MDM2: variants seen among roughly 807,000 people sequenced by gnomAD.
MDM2 encodes E3 ubiquitin-protein ligase Mdm2.
Under a neutral mutation model 64.3 loss-of-function variants are expected in MDM2, and 11 were observed. The ratio of observed to expected loss-of-function variants is 0.17; its 90% CI spans 0.11 to 0.28. The LOEUF (loss-of-function observed/expected upper bound fraction) is 0.28, where lower values mean the gene tolerates loss of function less well. Among genes scored for constraint, MDM2 ranks in the 10% least tolerant of loss-of-function variants. The pLI is 1.00. For missense variants in MDM2, 388 were observed against 577.1 expected, an observed-to-expected ratio of 0.67 and a Z score of 3.36; for synonymous variants, 194 against 192.9, an observed-to-expected ratio of 1.01 and a Z score of -0.05.
Position 68,808,414 on chromosome 12 carries a change from C to A in MDM2, c.-64C>A, listed in dbSNP as rs994416631. On this transcript the variant is annotated 5_prime_UTR_variant, in exon 1 of 11. Coordinates refer to ENST00000258149, the MANE Select transcript of MDM2 (RefSeq NM_002392.6). ...CGAGGCCCAGGGCGTCGTGCTTCCGCGCGCCCCGTGAAGGAAACTGGGGAG... is the reference window on the plus strand; with the variant it reads ...CGAGGCCCAGGGCGTCGTGCTTCCGAGCGCCCCGTGAAGGAAACTGGGGAG... The A allele has an allele frequency of 1.9e-6, 3 of 1,611,098 alleles. No individual in the cohort carries two copies. The Admixed American group carries it at 5.0e-5, about 27-fold the overall frequency.
chr12:68,811,120 C>T (rs1004953871), intron 2 of MDM2, among the ~76,000 whole-genome samples: 6 of 152,164 alleles, frequency 3.9e-5, no homozygotes, highest in Non-Finnish European at 8.8e-5. Context: ...CTGCCTCGGC[C>T]TCCCAAAGTG....
chr12:68,844,916 T>C lies in MDM2; in HGVS notation c.*5067T>C, dbSNP rs1427075416. 2 of 199,852 alleles carry C rather than the reference T, an allele frequency of 1.0e-5. No individual in the cohort carries two copies. 12.4% of individuals were successfully genotyped at this position (199,852 alleles called of 1,614,324 possible). On this transcript the variant is annotated 3_prime_UTR_variant, in exon 11 of 11. Coordinates refer to ENST00000258149, the MANE Select transcript of MDM2 (RefSeq NM_002392.6). ...CCAAGTAGCTGGGGTTAGAGCACCC[T>C]GTCACCACGCCCCGCTAATTTTTGT...
intron 2 of MDM2, among the ~76,000 whole-genome samples, chr12:68,813,054 T>C (rs1037121572): frequency 5.9e-5 from 9 of 152,194 alleles, no homozygotes; most frequent in African/African-American, 2.2e-4. Flanking sequence ...CAGCATGATA[T>C]AGTAGGAAGA....
chr12:68,834,970 A>AT (rs1351656812), intron 8 of MDM2, among the ~76,000 whole-genome samples: 2 of 152,058 alleles, frequency 1.3e-5, no homozygotes, highest in South Asian at 2.1e-4. Context: ...CAGCTACAGA[A>AT]TTTTTTTTAA....
In MDM2 at chr12:68,844,207, T is replaced by C; in HGVS notation, c.*4358T>C. 4.8e-6 allele frequency: 1 copy of C among 209,802 alleles called. No individual in the cohort carries two copies. The highest frequency in any genetic ancestry group is 9.7e-6 in the Non-Finnish European group (1 of 103,410). 13.0% of individuals were successfully genotyped at this position (209,802 alleles called of 1,614,324 possible). On this transcript the variant is annotated 3_prime_UTR_variant, in exon 11 of 11. Coordinates refer to ENST00000258149, the MANE Select transcript of MDM2 (RefSeq NM_002392.6). ...TTTCAAGAATGCAATTATTTGATCT[T>C]AAATTTTTATGAGTTGTTAAAATAG... is the stretch of plus-strand genomic sequence containing the variant.
At position 68,845,170 on chromosome 12, in the gene MDM2, G is replaced by A; in HGVS notation, c.*5321G>A. The A allele has an allele frequency of 9.0e-6, 2 of 222,966 alleles. No individual in the cohort carries two copies. The highest frequency in any genetic ancestry group is 6.5e-5 in the East Asian group (1 of 15,338). The allele number at this position is 222,966 out of a possible 1,614,324, so 13.8% of individuals were successfully genotyped here. A position where few individuals can be genotyped will look rare whatever the true frequency, so the allele number is the denominator to read the frequency against. On this transcript the variant is annotated 3_prime_UTR_variant, in exon 11 of 11. Transcript: ENST00000258149. ...GAAAAGTTTTTAGTTGCGCTTTATGGGTGGATGCTGAATTACATTTTGATT... is the reference window on the plus strand; with the variant it reads ...GAAAAGTTTTTAGTTGCGCTTTATGAGTGGATGCTGAATTACATTTTGATT...
chr12:68,843,247 C>T lies in MDM2; in HGVS notation c.*3398C>T, dbSNP rs1883955617. ...GAAGTATTATGAACTCCAAATAATGCTTTGAGGACCTCCAAAGGTAAAAGT... is the reference window on the plus strand; with the variant it reads ...GAAGTATTATGAACTCCAAATAATGTTTTGAGGACCTCCAAAGGTAAAAGT... On this transcript the variant is annotated 3_prime_UTR_variant, in exon 11 of 11. Coordinates refer to ENST00000258149, the MANE Select transcript of MDM2 (RefSeq NM_002392.6). 1 of 225,846 alleles carries T rather than the reference C, an allele frequency of 4.4e-6. No individual in the cohort carries two copies. The highest frequency in any genetic ancestry group is 6.4e-5 in the East Asian group (1 of 15,624). 14.0% of individuals were successfully genotyped at this position (225,846 alleles called of 1,614,324 possible).
At chr12:68,816,617 G>A (rs1049679075) in intron 3 of MDM2, among the ~76,000 whole-genome samples, 195 bp from the exon 4 acceptor site, 8 of 152,060 alleles carry the variant, frequency 5.3e-5, no homozygotes, top group Non-Finnish European at 7.4e-5. Flanking sequence ...TCGGCCTCCC[G>A]AAGTACTGGG....
intron 5 of MDM2, 90 bp downstream of exon 5, chr12:68,820,464 C>A: frequency 9.9e-7 from 1 of 1,013,602 alleles, no homozygotes; most frequent in Non-Finnish European, 1.5e-6. Flanking sequence ...AATTGTGATT[C>A]TCTTTAAAAG....
intron 8 of MDM2, among the ~76,000 whole-genome samples, chr12:68,835,184 T>A (rs1225100234): frequency 6.6e-6 from 1 of 152,212 alleles, no homozygotes; most frequent in Non-Finnish European, 1.5e-5. Flanking sequence ...GAAACATGCC[T>A]GCAAAATTAT....
At chr12:68,827,571 T>G (rs574372370) in intron 7 of MDM2, among the ~76,000 whole-genome samples, 1 of 152,354 alleles carries the variant, frequency 6.6e-6, no homozygotes, top group South Asian at 2.1e-4. Context: ...CTAATCTTGA[T>G]AGTCTTTTTA....
At chr12:68,818,154 A>C (rs1033495048) in intron 4 of MDM2, among the ~76,000 whole-genome samples, 1 of 152,224 alleles carries the variant, frequency 6.6e-6, no homozygotes, top group Non-Finnish European at 1.5e-5. Context: ...GAGCCTTAGC[A>C]TTCATTACAT....
chr12:68,822,085 C>G (rs1017111168), intron 5 of MDM2, among the ~76,000 whole-genome samples: 1 of 152,120 alleles, frequency 6.6e-6, no homozygotes, highest in African/African-American at 2.4e-5. Flanking sequence ...GACCTGAGCT[C>G]AAGAGATATT....
intron 8 of MDM2, among the ~76,000 whole-genome samples, chr12:68,831,842 C>T (rs1470685604): frequency 6.6e-6 from 1 of 152,100 alleles, no homozygotes; most frequent in Non-Finnish European, 1.5e-5. Context: ...CCCAGGCGGG[C>T]GGATCACCTG....
chr12:68,831,803 C>T (rs950577921), intron 8 of MDM2, among the ~76,000 whole-genome samples: 5 of 152,192 alleles, frequency 3.3e-5, no homozygotes, highest in Admixed American at 1.3e-4. Flanking sequence ...CGTGGTGGCT[C>T]ATGCCTGTAA....
intron 8 of MDM2, among the ~76,000 whole-genome samples, chr12:68,831,130 A>G (rs555116309): frequency 1.3e-5 from 2 of 152,154 alleles, no homozygotes; most frequent in South Asian, 4.1e-4. Context: ...GTAGAGGAAC[A>G]CCAGGTTTTT....
chr12:68,827,200 C>G (rs1350749180), intron 7 of MDM2, among the ~76,000 whole-genome samples: 1 of 151,998 alleles, frequency 6.6e-6, no homozygotes, highest in African/African-American at 2.4e-5. Flanking sequence ...AAAAAAAGTC[C>G]TTTCAGAAAT....
At chr12:68,818,087 C>G (rs756708304) in intron 4 of MDM2, among the ~76,000 whole-genome samples, 1 of 152,184 alleles carries the variant, frequency 6.6e-6, no homozygotes, top group Non-Finnish European at 1.5e-5. Flanking sequence ...AGCAACCACA[C>G]CCGGCCTACA....
rs181839516 is a variant in MDM2, at chr12:68,836,521, C to T, written c.841-151C>T. 53 of 568,020 alleles carry T rather than the reference C, an allele frequency of 9.3e-5. 1 individual carries two copies. The highest frequency in any genetic ancestry group is 1.3e-5 in the Non-Finnish European group (4 of 314,662). 35.2% of individuals were successfully genotyped at this position (568,020 alleles called of 1,614,324 possible). The stretch of plus-strand genomic sequence containing the variant: ...AGGATTTCTCTCTCCTCCATTTTTT[C>T]CCCCTTTACACTCACTTACTCTATT... On this transcript the variant is annotated intron_variant, in intron 9 of 10. Coordinates refer to ENST00000258149, the MANE Select transcript of MDM2 (RefSeq NM_002392.6).
Sources: gnomAD v4.1 joint callset for allele counts (sites outside exome capture counted in the v4.1 genomes callset) on GRCh38, gnomAD v4.1.1 for gene constraint, MANE v1.5 for transcripts, NCBI Gene and HGNC (gene_info 2026-07-23, HGNC 2026-07-21) for gene names.